ART3: variants seen among roughly 807,000 people sequenced by gnomAD.
ART3 encodes the protein ADP-ribosyltransferase 3 (inactive).
Under a neutral mutation model 48.5 loss-of-function variants are expected in ART3, and 49 were observed. The observed-to-expected ratio is 1.01, with a 90% CI of 0.80 to 1.28. ART3 has a LOEUF of 1.28. Among genes scored for constraint, ART3 ranks in the 50% most tolerant of loss-of-function variants. The pLI is 0.00. For missense variants in ART3, 438 were observed against 454.3 expected (o/e 0.96, Z 0.33); for synonymous variants, 145 against 157.2 (o/e 0.92, Z 0.58).
chr4:76,016,047 G>A (rs1446975407), intron 1 of ART3, among the ~76,000 whole-genome samples: 1 of 152,064 alleles, frequency 6.6e-6, no homozygotes, highest in East Asian at 1.9e-4. Context: ...TTGGTATCAG[G>A]GTAATACTGG....
intron 1 of ART3, among the ~76,000 whole-genome samples, chr4:76,047,752 G>A (rs958589230): frequency 2.6e-5 from 4 of 151,780 alleles, no homozygotes; most frequent in African/African-American, 7.2e-5. Flanking sequence ...TAAGATACCG[G>A]GTATCTCCAA....
upstream of ART3, among the ~76,000 whole-genome samples, chr4:76,073,574 C>CA (rs567956691): frequency 6.6e-5 from 10 of 151,610 alleles, no homozygotes; most frequent in Non-Finnish European, 1.2e-4. Flanking sequence ...TATGTGTGTA[C>CA]AAAAAAAACA....
chr4:76,066,690 A>G (rs898437916), intron 1 of ART3, among the ~76,000 whole-genome samples: 3 of 152,112 alleles, frequency 2.0e-5, no homozygotes, highest in East Asian at 1.9e-4. Flanking sequence ...AGGCCTGGAA[A>G]AGGCACCAGT....
At chr4:76,065,552 A>AACACACAC (rs56794781) in intron 1 of ART3, among the ~76,000 whole-genome samples, 2,523 of 145,288 alleles carry the variant, frequency 0.017, 61 homozygotes, top group African/African-American at 0.052. Context: ...ATAACCCTCC[A>AACACACAC]ACACACACAC....
Position 76,082,429 on chromosome 4 carries a change from A to T in ART3, c.675A>T (p.Ile225=). Residue 225 remains isoleucine, a synonymous_variant, in exon 3 of 12, where the codon ATA becomes ATT. Transcript: ENST00000355810. ...LDKESERITL[I]PLNEVFQVSQ... is the part of the protein sequence containing the mutation. Reference sequence around the variant, plus strand: ...AAGAAAGTGAAAGAATTACTTTAATACCTCTGAATGAGGTTTTTCAAGTGT... The same window carrying T: ...AAGAAAGTGAAAGAATTACTTTAATTCCTCTGAATGAGGTTTTTCAAGTGT... 1 of 1,613,904 alleles carries T rather than the reference A, an allele frequency of 6.2e-7. No homozygotes were observed.
chr4:76,103,028 G>A (rs557937594), intron 8 of ART3, among the ~76,000 whole-genome samples: 1 of 152,084 alleles, frequency 6.6e-6, no homozygotes, highest in Non-Finnish European at 1.5e-5. Context: ...TTCTCAAAGC[G>A]TTCTGAGTTT....
At chr4:76,024,842 GTAC>G (rs1487123235) in intron 1 of ART3, among the ~76,000 whole-genome samples, 1 of 152,190 alleles carries the variant, frequency 6.6e-6, no homozygotes, top group Non-Finnish European at 1.5e-5. Context: ...TCAGGCTACT[GTAC>G]TAGGCAGATA....
At chr4:76,037,396 T>C (rs1734534230) in intron 1 of ART3, among the ~76,000 whole-genome samples, 1 of 152,184 alleles carries the variant, frequency 6.6e-6, no homozygotes. Flanking sequence ...TTTAAAATGC[T>C]TCCTTGCTGA....
intron 3 of ART3, among the ~76,000 whole-genome samples, chr4:76,091,704 CAG>C (rs1724943301): frequency 1.6e-5 from 2 of 124,280 alleles, no homozygotes; most frequent in African/African-American, 6.2e-5. Flanking sequence ...TTTTTTGAGA[CAG>C]AGTCTCGCTC....
chr4:76,078,168 C>T (rs965787481), intron 2 of ART3, among the ~76,000 whole-genome samples: 1 of 151,494 alleles, frequency 6.6e-6, no homozygotes, highest in African/African-American at 2.4e-5. Flanking sequence ...GTTCAGTTGT[C>T]CCTGAATAGT....
intron 1 of ART3, among the ~76,000 whole-genome samples, chr4:76,023,039 AG>A (rs1733017322): frequency 1.3e-5 from 2 of 152,218 alleles, no homozygotes; most frequent in African/African-American, 4.8e-5. Context: ...CAAACCCTTA[AG>A]CACAGTTCAT....
intron 1 of ART3, among the ~76,000 whole-genome samples, chr4:76,067,048 G>A (rs956334437): frequency 1.3e-5 from 2 of 152,216 alleles, no homozygotes; most frequent in South Asian, 2.1e-4. Flanking sequence ...GGCAGCCCTG[G>A]CCACACCTTC....
chr4:76,094,281 A>G (rs1365740512), intron 3 of ART3, among the ~76,000 whole-genome samples: 1 of 152,190 alleles, frequency 6.6e-6, no homozygotes, highest in Non-Finnish European at 1.5e-5. Flanking sequence ...GACACATGGA[A>G]TACAGTTGTA....
intron 5 of ART3, chr4:76,099,284 C>CA: frequency 5.4e-6 from 2 of 372,432 alleles, no homozygotes; most frequent in Non-Finnish European, 1.0e-5. Context: ...GCCTGGGTGA[C>CA]AGGGTGAAAC....
At chr4:76,106,262 T>C in intron 10 of ART3, 1 of 985,390 alleles carries the variant, frequency 1.0e-6, no homozygotes, top group Non-Finnish European at 1.2e-6. Context: ...GAATTGGTAT[T>C]TGGCTTCAAA....
intron 1 of ART3, among the ~76,000 whole-genome samples, chr4:76,018,013 T>C (rs1313494884): frequency 2.6e-5 from 4 of 152,234 alleles, no homozygotes; most frequent in Admixed American, 6.5e-5. Context: ...ACTGATTGGT[T>C]CAGCCACTGT....
At chr4:76,106,403 A>G in intron 10 of ART3, 2 of 978,014 alleles carry the variant, frequency 2.0e-6, no homozygotes, top group African/African-American at 1.8e-5. Context: ...GGACAGATTT[A>G]TTTTAGAGAA....
chr4:76,081,494 G>A (rs1321750612), intron 2 of ART3, among the ~76,000 whole-genome samples: 1 of 152,192 alleles, frequency 6.6e-6, no homozygotes, highest in Non-Finnish European at 1.5e-5. Flanking sequence ...TAGCTAAGAT[G>A]TTCAAAGCCA....
chr4:76,039,300 A>G (rs955608137), intron 1 of ART3, among the ~76,000 whole-genome samples: 1 of 152,138 alleles, frequency 6.6e-6, no homozygotes, highest in Non-Finnish European at 1.5e-5. Context: ...GGGTTTTACC[A>G]TGTTGGCCAG....
Sources: allele counts gnomAD v4.1 joint callset (sites outside exome capture counted in the v4.1 genomes callset), GRCh38; gene constraint gnomAD v4.1.1; transcripts MANE v1.5; gene names NCBI Gene and HGNC (gene_info 2026-07-23, HGNC 2026-07-21).